Variants in SYCP2 observed in about 807,000 individuals in gnomAD.
The protein encoded by SYCP2 is synaptonemal complex protein 2, also known as synaptonemal complex lateral element protein.
In SYCP2, 55 loss-of-function variants were observed where a neutral mutation model predicts 211.3. That is an observed-to-expected ratio of 0.26 (90% confidence interval 0.21 to 0.33). The LOEUF is 0.33. Among genes scored for constraint, SYCP2 ranks in the 10% least tolerant of loss-of-function variants. The pLI is 1.00. For synonymous variants in SYCP2, 570 were observed against 555.2 expected (o/e 1.03, Z -0.37); for missense variants, 1,731 against 1,752.0 (o/e 0.99, Z 0.21).
At position 59,880,999 on chromosome 20, in the gene SYCP2, TTCA is replaced by T. The variant is rs770000928; in HGVS notation, c.2736_2738del (p.Asp912del). ...CTTTTGTTTTGACAGAAGATTTAAG[TTCA>T]TCATGATTCCTTGGACCTACCCTTA... On this transcript the variant is annotated inframe_deletion, in exon 30 of 45. Coordinates refer to ENST00000357552, the MANE Select transcript of SYCP2 (RefSeq NM_014258.4). 6.7e-7 allele frequency: 1 copy of T among 1,497,510 alleles called. No individual in the cohort carries two copies. Among genetic ancestry groups the T allele is most frequent in the Admixed American group, 1.8e-5 (1 of 55,958 alleles). The allele number at this position is 1,497,510 out of a possible 1,614,324, so 92.8% of individuals were successfully genotyped here.
At chr20:59,886,669 G>T (rs767263185) in intron 25 of SYCP2, 38 bp downstream of exon 25, 1 of 1,463,002 alleles carries the variant, frequency 6.8e-7, no homozygotes, top group Admixed American at 2.5e-5. Flanking sequence ...AGTTGTATCT[G>T]TCAGAAAAAT....
chr20:59,885,396 C>CA (rs2059766381), intron 26 of SYCP2, among the ~76,000 whole-genome samples: 1 of 152,020 alleles, frequency 6.6e-6, no homozygotes, highest in African/African-American at 2.4e-5. Context: ...GATTAGAAAT[C>CA]AGAACCGAAA....
At chr20:59,879,854 TATATATATAC>T (rs1404301480) in intron 31 of SYCP2, among the ~76,000 whole-genome samples, 63 of 107,622 alleles carry the variant, frequency 5.9e-4, no homozygotes, top group South Asian at 4.9e-3. Flanking sequence ...TATATATATA[TATATATATAC>T]ACACACACAC....
At chr20:59,902,940 T>C (rs1215148858) in intron 15 of SYCP2, among the ~76,000 whole-genome samples, 2 of 152,106 alleles carry the variant, frequency 1.3e-5, no homozygotes, top group Non-Finnish European at 2.9e-5. Flanking sequence ...CTTAGGTCTA[T>C]TGCTGCTGAT....
At chr20:59,929,937 T>C (rs2060704064) in intron 2 of SYCP2, among the ~76,000 whole-genome samples, 1 of 152,174 alleles carries the variant, frequency 6.6e-6, no homozygotes, top group Admixed American at 6.5e-5. Context: ...TTAATTCTGT[T>C]TCCTAAGGTT....
At chr20:59,918,369 A>G (rs2060481724) in intron 7 of SYCP2, among the ~76,000 whole-genome samples, 1 of 152,226 alleles carries the variant, frequency 6.6e-6, no homozygotes. Context: ...TACACTTCAC[A>G]GACTGTCAAA....
rs577905015 is a variant in SYCP2 at position 59,892,697 on chromosome 20, G to C, written c.1798C>G (p.Pro600Ala). The C allele has an allele frequency of 6.3e-7, 1 of 1,597,584 alleles. No individual in the cohort carries two copies. The highest frequency in any genetic ancestry group is 1.3e-5 in the African/African-American group (1 of 74,090). The change falls in exon 23 of 45, where the codon CCT becomes GCT. Residue 600 changes from proline to alanine, a missense_variant. This residue lies in a region of SYCP2 where 1,387 missense variants were observed against 1,351.3 expected (regional missense o/e 1.03). Coordinates refer to ENST00000357552, the MANE Select transcript of SYCP2 (RefSeq NM_014258.4). The part of the protein sequence containing the change: ...AAEKRDHTIL[P>A]GVLDNICGNK... ...CCACAGATGTTGTCTAAAACACCAGGTAATCTAGAAAATAAATTAATTTGC... is the reference window on the plus strand; with the variant it reads ...CCACAGATGTTGTCTAAAACACCAGCTAATCTAGAAAATAAATTAATTTGC...
At position 59,931,843 on chromosome 20, in the gene SYCP2, T is replaced by C. The variant is rs1315001458; in HGVS notation, c.-47+219A>G. Among the ~76,000 whole-genome samples the C allele has an allele frequency of 2.6e-5, 4 of 151,898 alleles. No individual in the cohort carries two copies. In the East Asian group the frequency reaches 5.8e-4, roughly 22 times the overall value. On this transcript the variant is annotated intron_variant, in intron 2 of 44. Transcript: ENST00000357552. Reference sequence around the variant, plus strand: ...AAAGCTGAATGCATACAGGCCACAATAGAGTCAAAAGCACAGCACTATCCA... The same window carrying C: ...AAAGCTGAATGCATACAGGCCACAACAGAGTCAAAAGCACAGCACTATCCA...
chr20:59,930,190 G>A (rs1460867572), intron 2 of SYCP2, among the ~76,000 whole-genome samples: 1 of 151,966 alleles, frequency 6.6e-6, no homozygotes, highest in African/African-American at 2.4e-5. Context: ...CTTTGCCTAT[G>A]CCTATGAAAG....
chr20:59,893,673 CTT>C (rs962920819), intron 20 of SYCP2, 80 bp from the exon 21 acceptor site: 37 of 960,058 alleles, frequency 3.9e-5, no homozygotes, highest in Non-Finnish European at 4.7e-5. Context: ...AGGTTTGAGT[CTT>C]TTAAAACAAA....
chr20:59,878,088 G>C, intron 31 of SYCP2, 43 bp from the exon 32 acceptor site: 1 of 1,269,902 alleles, frequency 7.9e-7, no homozygotes, highest in Non-Finnish European at 1.1e-6. Flanking sequence ...CAGTAAATAA[G>C]AATAGGCATT....
At chr20:59,896,380 G>C (rs777977034) in intron 19 of SYCP2, 49 bp downstream of exon 19, 1 of 1,037,158 alleles carries the variant, frequency 9.6e-7, no homozygotes, top group Admixed American at 2.1e-5. Flanking sequence ...ATTAAAAAAT[G>C]CCTCCTTTAA....
intron 35 of SYCP2, 29 bp from the exon 36 acceptor site, chr20:59,870,012 TAAG>T: frequency 1.4e-6 from 2 of 1,457,540 alleles, no homozygotes; most frequent in Non-Finnish European, 1.8e-6. Flanking sequence ...AAAAACCCAA[TAAG>T]AAGTTACAAA....
intron 1 of SYCP2, among the ~76,000 whole-genome samples, chr20:59,932,732 T>C (rs1452624817): frequency 3.3e-5 from 5 of 151,742 alleles, no homozygotes; most frequent in African/African-American, 9.7e-5. Flanking sequence ...TCGGCCAGCC[T>C]GGAGCCCGGT....
At chr20:59,923,987 G>T (rs1366097506) in intron 2 of SYCP2, among the ~76,000 whole-genome samples, 2 of 151,798 alleles carry the variant, frequency 1.3e-5, no homozygotes, top group Non-Finnish European at 2.9e-5. Flanking sequence ...CCAATATGCT[G>T]CTCTGACATA....
intron 27 of SYCP2, 44 bp downstream of exon 27, chr20:59,882,051 C>G (rs752880324): frequency 1.2e-6 from 2 of 1,606,732 alleles, no homozygotes. Context: ...TGTGTAGTCT[C>G]TTCAAATATG....
At chr20:59,917,137 T>G (rs1295768308) in intron 7 of SYCP2, among the ~76,000 whole-genome samples, 2 of 152,138 alleles carry the variant, frequency 1.3e-5, no homozygotes, top group Non-Finnish European at 2.9e-5. Flanking sequence ...TATTTATTTT[T>G]TTTTTTAGAT....
chr20:59,865,563 A>C lies in SYCP2; in HGVS notation c.4458+10T>G. The C allele has an allele frequency of 6.3e-7, 1 of 1,594,494 alleles. No individual in the cohort carries two copies. The highest frequency in any genetic ancestry group is 8.5e-7 in the Non-Finnish European group (1 of 1,170,146). On this transcript the variant is annotated intron_variant, in intron 43 of 44. Coordinates refer to ENST00000357552, the MANE Select transcript of SYCP2 (RefSeq NM_014258.4). ...AGAGAGGTAACCTATAAAAAGCATA[A>C]AATTTATACCTCGGATGTAAAAACA...
At chr20:59,880,534 G>T in intron 30 of SYCP2, 63 bp from the exon 31 acceptor site, 2 of 960,506 alleles carry the variant, frequency 2.1e-6, no homozygotes, top group Non-Finnish European at 1.5e-6. Context: ...TGCAAGGTAA[G>T]TTAAACCAAA....
Sources: allele counts gnomAD v4.1 joint callset (sites outside exome capture counted in the v4.1 genomes callset), GRCh38; gene constraint gnomAD v4.1.1; regional missense constraint gnomAD v4.1.1; transcripts MANE v1.5; gene names NCBI Gene and HGNC (gene_info 2026-07-23, HGNC 2026-07-21).